Variants in COL4A1 observed in about 807,000 individuals in gnomAD.
COL4A1 encodes collagen type IV alpha 1 chain.
A neutral mutation model predicts 216.6 loss-of-function variants in COL4A1; 40 were observed. The ratio of observed to expected loss-of-function variants is 0.18; its 90% CI spans 0.14 to 0.24. The LOEUF (loss-of-function observed/expected upper bound fraction) is 0.24, where lower values mean the gene tolerates loss of function less well. COL4A1 is among the 10% of genes least tolerant of loss of function. The pLI is 1.00. For synonymous variants in COL4A1, 839 were observed against 810.7 expected (o/e 1.03, Z -0.59); for missense variants, 1,628 against 2,196.8 (o/e 0.74, Z 5.18).
At chr13:110,188,562 A>G (rs1233335825) in intron 24 of COL4A1, among the ~76,000 whole-genome samples, 1 of 152,238 alleles carries the variant, frequency 6.6e-6, no homozygotes, top group Non-Finnish European at 1.5e-5. Flanking sequence ...TAGATCCAAG[A>G]CTACTCAGCC....
In COL4A1 at chr13:110,221,707, T is replaced by G. The variant is rs564812701; in HGVS notation, c.145-7692A>C. 3.1e-3 allele frequency among the ~76,000 whole-genome samples: 476 copies of G among 152,290 alleles called. 1 individual carries two copies. Among genetic ancestry groups the G allele is most frequent in the Non-Finnish European group, 3.2e-3 (221 of 68,024 alleles). On this transcript the variant is annotated intron_variant, in intron 2 of 51. Coordinates refer to ENST00000375820, the MANE Select transcript of COL4A1 (RefSeq NM_001845.6). ...TTATCTTCAAGAGTTTTTTCTTATC[T>G]TTTTTCAGAAAAAACAGTCCAAAAT...
At chr13:110,162,953 T>C (rs573946628) in intron 47 of COL4A1, among the ~76,000 whole-genome samples, 2 of 152,318 alleles carry the variant, frequency 1.3e-5, no homozygotes, top group East Asian at 3.9e-4. Context: ...TTCTGTCCCC[T>C]CTCTAACTGT....
chr13:110,158,922 T>C (rs920726589), intron 49 of COL4A1, among the ~76,000 whole-genome samples: 22 of 152,100 alleles, frequency 1.4e-4, no homozygotes, highest in Admixed American at 7.9e-4. Context: ...TTTGTATTTT[T>C]AGTAGAGATG....
At chr13:110,163,000 AGCTCTTT>A (rs893392007) in intron 47 of COL4A1, among the ~76,000 whole-genome samples, 1 of 152,222 alleles carries the variant, frequency 6.6e-6, no homozygotes, top group African/African-American at 2.4e-5. Context: ...TGCTGGGCTG[AGCTCTTT>A]GTTCAATTAG....
At chr13:110,230,052 C>G (rs1416331704) in intron 2 of COL4A1, among the ~76,000 whole-genome samples, 2 of 152,110 alleles carry the variant, frequency 1.3e-5, no homozygotes, top group African/African-American at 4.8e-5. Context: ...CTCCAAAATC[C>G]CCCACTCAGG....
intron 1 of COL4A1, among the ~76,000 whole-genome samples, chr13:110,260,539 G>A (rs1450947486): frequency 1.3e-5 from 2 of 152,162 alleles, no homozygotes; most frequent in African/African-American, 4.8e-5. Flanking sequence ...GTGTCACCAC[G>A]GCAAGGGTGG....
intron 29 of COL4A1, 69 bp downstream of exon 29, chr13:110,181,223 G>T: frequency 6.7e-7 from 1 of 1,492,132 alleles, no homozygotes; most frequent in Non-Finnish European, 9.4e-7. Context: ...TTCACAACCT[G>T]CATTTTTTCC....
In COL4A1 at chr13:110,213,914, A is replaced by G. The variant is rs771139733; in HGVS notation, c.234+12T>C. ...TACATCCACCCACCCCCAATCCCAC[A>G]GCCGTGCTTACCTTTTGTCCTGGTG... On this transcript the variant is annotated intron_variant, in intron 3 of 51. Coordinates refer to ENST00000375820, the MANE Select transcript of COL4A1 (RefSeq NM_001845.6). 4 of 1,613,820 alleles carry G rather than the reference A, an allele frequency of 2.5e-6. No individual in the cohort carries two copies. The South Asian group carries it at 4.4e-5, about 18-fold the overall frequency.
intron 1 of COL4A1, among the ~76,000 whole-genome samples, chr13:110,245,293 C>T (rs1881748268): frequency 6.6e-6 from 1 of 152,202 alleles, no homozygotes; most frequent in South Asian, 2.1e-4. Context: ...TGGGATTATG[C>T]CACTGCCCAC....
intron 18 of COL4A1, among the ~76,000 whole-genome samples, chr13:110,203,233 T>C (rs2139193589): frequency 6.6e-6 from 1 of 152,124 alleles, no homozygotes; most frequent in Middle Eastern, 3.4e-3. Flanking sequence ...AGGAGTCAAA[T>C]ATGTTGCTAA....
intron 49 of COL4A1, among the ~76,000 whole-genome samples, chr13:110,158,008 T>C (rs1334951945): frequency 6.6e-6 from 1 of 152,190 alleles, no homozygotes; most frequent in Non-Finnish European, 1.5e-5. Context: ...GAATAGTCTT[T>C]TTCTACCTGT....
At chr13:110,214,155 G>A (rs375501425) in intron 2 of COL4A1, 140 bp from the exon 3 acceptor site, 69 of 715,700 alleles carry the variant, frequency 9.6e-5, no homozygotes, top group South Asian at 9.3e-4. Context: ...GTGCATGCAC[G>A]ATCTCGGCTC....
chr13:110,221,504 G>A (rs1880477115), intron 2 of COL4A1, among the ~76,000 whole-genome samples: 1 of 152,160 alleles, frequency 6.6e-6, no homozygotes, highest in African/African-American at 2.4e-5. Context: ...CAGTAAAAAT[G>A]TTCTAGGAGA....
In COL4A1 at chr13:110,176,417, A is replaced by C; in HGVS notation, c.3058+7T>G. ...TGCTAAAGAATCCTCTTCTAAATCC[A>C]GTTTACCTGGCAAGCCCATTCCACC... On this transcript the variant is annotated splice_region_variant and intron_variant, in intron 36 of 51. Coordinates refer to ENST00000375820, the MANE Select transcript of COL4A1 (RefSeq NM_001845.6). 6.2e-7 allele frequency: 1 copy of C among 1,601,722 alleles called. No homozygotes were observed. Among genetic ancestry groups the C allele is most frequent in the Admixed American group, 1.7e-5 (1 of 60,012 alleles).
chr13:110,191,749 T>C lies in COL4A1; in HGVS notation c.1536+465A>G, dbSNP rs145441984. The stretch of plus-strand genomic sequence containing the variant: ...GCAAACAGATCTGCTTTCCTTGATC[T>C]TTTCATAGAAACTATTGATGCTGAA... On this transcript the variant is annotated intron_variant, in intron 24 of 51. Coordinates refer to ENST00000375820, the MANE Select transcript of COL4A1 (RefSeq NM_001845.6). The C allele has an allele frequency of 3.7e-4, 230 of 623,278 alleles. 1 individual carries two copies. The Admixed American group carries it at 6.1e-3, about 17-fold the overall frequency. 38.6% of individuals were successfully genotyped at this position (623,278 alleles called of 1,614,324 possible).
chr13:110,271,938 T>C (rs1205723719), intron 1 of COL4A1, among the ~76,000 whole-genome samples: 2 of 152,218 alleles, frequency 1.3e-5, no homozygotes, highest in Non-Finnish European at 2.9e-5. Context: ...ACTTGAAAAA[T>C]GAATCCTAAA....
intron 1 of COL4A1, among the ~76,000 whole-genome samples, chr13:110,279,546 G>C (rs1463076987): frequency 6.6e-6 from 1 of 152,056 alleles, no homozygotes; most frequent in Non-Finnish European, 1.5e-5. Context: ...CTATTCTTTT[G>C]GGGGGCTGGA....
chr13:110,205,287 A>G (rs768343343), intron 17 of COL4A1, 66 bp downstream of exon 17: 1 of 1,590,566 alleles, frequency 6.3e-7, no homozygotes, highest in Non-Finnish European at 8.6e-7. Context: ...TCTAGGAAAG[A>G]ATAAACAGAC....
At chr13:110,182,331 TGGA>T (rs1177816012) in intron 28 of COL4A1, among the ~76,000 whole-genome samples, 5 of 152,158 alleles carry the variant, frequency 3.3e-5, no homozygotes, top group African/African-American at 4.8e-5. Context: ...CCTGGGAGCC[TGGA>T]GGAGATTTCA....
Sources: gnomAD v4.1 joint callset for allele counts (sites outside exome capture counted in the v4.1 genomes callset) on GRCh38, gnomAD v4.1.1 for gene constraint, MANE v1.5 for transcripts, NCBI Gene and HGNC (gene_info 2026-07-23, HGNC 2026-07-21) for gene names.